BHMT: variants seen among roughly 807,000 people sequenced by gnomAD.
BHMT encodes the protein betaine--homocysteine S-methyltransferase 1.
BHMT carries 38 observed loss-of-function variants against 49.5 expected under a neutral mutation model. The ratio of observed to expected loss-of-function variants is 0.77; its 90% confidence interval spans 0.59 to 1.01. The LOEUF (loss-of-function observed/expected upper bound fraction) is 1.01. BHMT is among the 50% of genes least tolerant of loss of function. The pLI is 0.00. For synonymous variants in BHMT, 166 were observed against 176.3 expected (o/e 0.94, Z 0.46); for missense variants, 426 against 495.7 (o/e 0.86, Z 1.34).
intron 5 of BHMT, 45 bp from the exon 6 acceptor site, chr5:79,126,001 G>A: frequency 6.4e-7 from 1 of 1,553,436 alleles, no homozygotes; most frequent in Non-Finnish European, 8.7e-7. Context: ...GGCCCTGCTG[G>A]TTTCTGGTGC....
At chr5:79,126,544 G>A (rs1756556541) in intron 6 of BHMT, among the ~76,000 whole-genome samples, 1 of 152,188 alleles carries the variant, frequency 6.6e-6, no homozygotes, top group East Asian at 1.9e-4. Context: ...AGAATCAACA[G>A]ATATTTAGTT....
rs368937011 is a variant in BHMT, at chr5:79,111,889, C to T, written c.4C>T (p.Pro2Ser). The change falls in exon 1 of 8, where the codon CCA (proline) becomes TCA (serine). Residue 2 changes from proline to serine, a missense_variant. Transcript: ENST00000274353. ...CACCTGTCTGGACACCACGAAGATG[C>T]CACCCGTTGGGGGCAAAAAGGCCAA... is the stretch of plus-strand genomic sequence containing the variant. M[P>S]PVGGKKAKKG... The T allele has an allele frequency of 1.1e-5, 17 of 1,611,760 alleles. No homozygotes were observed. Among genetic ancestry groups the T allele is most frequent in the Non-Finnish European group, 1.4e-5 (17 of 1,179,008 alleles).
chr5:79,119,001 T>A (rs2112725277), intron 2 of BHMT, among the ~76,000 whole-genome samples: 1 of 152,246 alleles, frequency 6.6e-6, no homozygotes, highest in Middle Eastern at 3.4e-3. Context: ...CAATGAATGA[T>A]AAACAAAATA....
At chr5:79,127,678 C>A in intron 6 of BHMT, 77 bp from the exon 7 acceptor site, 1 of 1,487,542 alleles carries the variant, frequency 6.7e-7, no homozygotes, top group Non-Finnish European at 9.0e-7. Context: ...TTGAAAATTA[C>A]ATACTTGTAG....
chr5:79,127,622 G>A, intron 6 of BHMT, 133 bp from the exon 7 acceptor site: 4 of 1,285,184 alleles, frequency 3.1e-6, no homozygotes, highest in Non-Finnish European at 4.2e-6. Flanking sequence ...AAGTAGCAAA[G>A]TTTTTTCTTA....
chr5:79,121,356 G>C lies in BHMT; in HGVS notation c.616G>C (p.Val206Leu), dbSNP rs549706356. 54 of 1,614,128 alleles carry C rather than the reference G, an allele frequency of 3.3e-5. No individual in the cohort carries two copies. The African/African-American group carries it at 6.4e-4, about 19-fold the overall frequency. ...VPPGECAVRL[V>L]KAGASIIGVN... is the part of the protein sequence containing the mutation. Reference sequence around the variant, plus strand: ...CCCCGGCGAGTGTGCAGTGCGCCTGGTGAAAGCAGGTGATGATAGATTTCA... The same window carrying C: ...CCCCGGCGAGTGTGCAGTGCGCCTGCTGAAAGCAGGTGATGATAGATTTCA... Residue 206 changes from valine to leucine, a missense_variant, in exon 5 of 8, where the codon GTG (valine) becomes CTG (leucine). Coordinates refer to ENST00000274353, the MANE Select transcript of BHMT (RefSeq NM_001713.3).
chr5:79,127,143 TG>T (rs1248964979), intron 6 of BHMT, among the ~76,000 whole-genome samples: 3 of 152,198 alleles, frequency 2.0e-5, no homozygotes, highest in African/African-American at 7.2e-5. Context: ...TAGGTGGTTT[TG>T]GTTCAGGGTC....
Position 79,119,332 on chromosome 5 carries a change from A to C in BHMT, c.240A>C (p.Glu80Asp), listed in dbSNP as rs996120287. 6.2e-7 allele frequency: 1 copy of C among 1,614,162 alleles called. No individual in the cohort carries two copies. The highest frequency in any genetic ancestry group is 1.3e-5 in the African/African-American group (1 of 75,064). ...AGACCTTCACCTTCTATGCGAGTGAAGACAAGCTGGAGAACAGGGGCAACT... is the reference window on the plus strand; with the variant it reads ...AGACCTTCACCTTCTATGCGAGTGACGACAAGCTGGAGAACAGGGGCAACT... ...VMQTFTFYAS[E>D]DKLENRGNYV... The change falls in exon 3 of 8, where the codon GAA becomes GAC. Residue 80 changes from glutamate (E) to aspartate (D), a missense_variant. Around this residue, in one of 3 missense-constraint regions of BHMT, gnomAD observed 321 missense variants for 355.9 expected, o/e 0.90. Transcript: ENST00000274353.
chr5:79,111,956 C>T (rs765345823), intron 1 of BHMT, 38 bp downstream of exon 1: 5 of 1,541,112 alleles, frequency 3.2e-6, no homozygotes, highest in Non-Finnish European at 4.4e-6. Context: ...TCTCCTTCCC[C>T]TCCCACCTGC....
intron 5 of BHMT, among the ~76,000 whole-genome samples, chr5:79,124,740 T>C (rs1279717531): frequency 1.3e-5 from 2 of 152,210 alleles, no homozygotes; most frequent in Admixed American, 6.5e-5. Context: ...ACAAGAATAC[T>C]GTAGGAAGAC....
chr5:79,115,901 T>C lies in BHMT; in HGVS notation c.166+2T>C. 1 of 1,612,608 alleles carries C rather than the reference T, an allele frequency of 6.2e-7. No individual in the cohort carries two copies. The highest frequency in any genetic ancestry group is 8.5e-7 in the Non-Finnish European group (1 of 1,179,366). On this transcript the variant is annotated splice_donor_variant, in intron 2 of 7. Coordinates refer to ENST00000274353, the MANE Select transcript of BHMT (RefSeq NM_001713.3). LOFTEE classifies it high-confidence loss of function. ...CTGCTGTGGAGCACCCAGAAGCAGGTTGGTGCAGAGCTCTATTGTAAGTTC... is the reference window on the plus strand; with the variant it reads ...CTGCTGTGGAGCACCCAGAAGCAGGCTGGTGCAGAGCTCTATTGTAAGTTC...
chr5:79,121,229 C>G lies in BHMT; in HGVS notation c.489C>G (p.His163Gln), dbSNP rs746836830. Residue 163 changes from histidine to glutamine, a missense_variant, in exon 5 of 8, where the codon CAC becomes CAG. His to Gln is a conservative substitution (Grantham distance 24). This residue lies in a region of BHMT where 321 missense variants were observed against 355.9 expected (regional missense o/e 0.90). Coordinates refer to ENST00000274353, the MANE Select transcript of BHMT (RefSeq NM_001713.3). ...TTAACTGATTCCAGTATTTTGAACA[C>G]GTTGAAGAAGCTGTGTGGGCAGTTG... Reference protein sequence around the residue: ...VDFLIAEYFEHVEEAVWAVET... With the variant: ...VDFLIAEYFEQVEEAVWAVET... The G allele has an allele frequency of 6.2e-7, 1 of 1,613,792 alleles. No homozygotes were observed. The highest frequency in any genetic ancestry group is 1.7e-5 in the Admixed American group (1 of 59,998).
intron 3 of BHMT, 23 bp downstream of exon 3, chr5:79,119,400 C>T (rs201963562): frequency 1.9e-6 from 3 of 1,565,534 alleles, no homozygotes; most frequent in Non-Finnish European, 1.8e-6. Flanking sequence ...AGCCGTGGGA[C>T]TTTTAGAAGG....
chr5:79,120,431 A>G lies in BHMT; in HGVS notation c.367A>G (p.Ser123Gly). 6.2e-7 allele frequency: 1 copy of G among 1,614,154 alleles called. No homozygotes were observed. Among genetic ancestry groups the G allele is most frequent in the Non-Finnish European group, 8.5e-7 (1 of 1,180,020 alleles). ...EGDALVAGGV[S>G]QTPSYLSCKS... ...AGATGCTTTGGTAGCAGGAGGAGTGAGTCAGACACCTTCATACCTTAGCTG... is the reference window on the plus strand; with the variant it reads ...AGATGCTTTGGTAGCAGGAGGAGTGGGTCAGACACCTTCATACCTTAGCTG... Residue 123 changes from serine to glycine, a missense_variant, in exon 4 of 8, where the codon AGT becomes GGT. By Grantham distance (56) the Ser-to-Gly change is moderately conservative. Coordinates refer to ENST00000274353, the MANE Select transcript of BHMT (RefSeq NM_001713.3).
At chr5:79,120,618 T>C (rs1445426378) in intron 4 of BHMT, 77 bp downstream of exon 4, 8 of 1,372,558 alleles carry the variant, frequency 5.8e-6, no homozygotes, top group African/African-American at 1.5e-5. Context: ...AAGAGTACTG[T>C]GTGGGGTTAG....
intron 6 of BHMT, 70 bp downstream of exon 6, chr5:79,126,298 T>C: frequency 3.3e-6 from 5 of 1,516,510 alleles, no homozygotes; most frequent in African/African-American, 1.4e-5. Flanking sequence ...AGTAAATCTA[T>C]ACCCAGAGAT....
At chr5:79,130,400 G>T (rs1235098300) in intron 7 of BHMT, among the ~76,000 whole-genome samples, 1 of 152,174 alleles carries the variant, frequency 6.6e-6, no homozygotes, top group African/African-American at 2.4e-5. Context: ...AGGAAACACT[G>T]TAAAAAGCCT....
chr5:79,112,138 C>A (rs1317748886), intron 1 of BHMT, among the ~76,000 whole-genome samples: 2 of 152,214 alleles, frequency 1.3e-5, no homozygotes, highest in East Asian at 1.9e-4. Context: ...ACGTTCAGAG[C>A]GCGCCCCCAG....
intron 6 of BHMT, among the ~76,000 whole-genome samples, chr5:79,126,747 A>T (rs10037045): frequency 0.32 from 47,995 of 151,806 alleles, 7,715 homozygotes; most frequent in African/African-American, 0.36. Context: ...GTGACTGTAT[A>T]ACAAGTTTTA....
Sources: gnomAD v4.1 joint callset for allele counts (sites outside exome capture counted in the v4.1 genomes callset) on GRCh38, gnomAD v4.1.1 for gene constraint, gnomAD v4.1.1 regional missense constraint, MANE v1.5 for transcripts, NCBI Gene and HGNC (gene_info 2026-07-23, HGNC 2026-07-21) for gene names.